Variants in CADM2 observed in about 807,000 individuals in gnomAD.
CADM2 encodes immunoglobulin superfamily member 4D.
In CADM2, 12 loss-of-function variants were observed where a neutral mutation model predicts 49.8. The ratio of observed to expected loss-of-function variants is 0.24; its 90% CI spans 0.15 to 0.39. The LOEUF (loss-of-function observed/expected upper bound fraction) is 0.39. Ranked by LOEUF, CADM2 falls within the 10% of genes least tolerant of loss-of-function variation. CADM2 has a pLI of 1.00. For missense variants in CADM2, 378 were observed against 492.3 expected (o/e 0.77, Z 2.20); for synonymous variants, 214 against 175.4 (o/e 1.22, Z -1.74).
chr3:85,381,423 TTA>T (rs201277075), intron 1 of CADM2, among the ~76,000 whole-genome samples: 34 of 145,890 alleles, frequency 2.3e-4, no homozygotes, highest in East Asian at 9.9e-4. Flanking sequence ...GTATGTTGCT[TTA>T]TATATATATA....
At chr3:85,195,444 C>G (rs1168423898) in intron 1 of CADM2, among the ~76,000 whole-genome samples, 1 of 151,680 alleles carries the variant, frequency 6.6e-6, no homozygotes, top group Non-Finnish European at 1.5e-5. Context: ...TCTGTGTCTC[C>G]CATGTAAGCT....
At chr3:85,531,183 T>C (rs1245560721) in intron 1 of CADM2, among the ~76,000 whole-genome samples, 2 of 152,132 alleles carry the variant, frequency 1.3e-5, no homozygotes, top group East Asian at 1.9e-4. Flanking sequence ...TCAGAATCAT[T>C]ATTATTTTGA....
chr3:85,345,402 T>A (rs1032587758), intron 1 of CADM2, among the ~76,000 whole-genome samples: 1 of 148,804 alleles, frequency 6.7e-6, no homozygotes, highest in Admixed American at 6.7e-5. Flanking sequence ...AAACAAAAAA[T>A]TGAATCACTT....
At chr3:85,211,979 C>G (rs1225616508) in intron 1 of CADM2, among the ~76,000 whole-genome samples, 4 of 152,006 alleles carry the variant, frequency 2.6e-5, no homozygotes, top group African/African-American at 9.7e-5. Flanking sequence ...GCATATATAT[C>G]TACAACTGTC....
chr3:85,116,325 AAAAC>A (rs1316269532), intron 1 of CADM2, among the ~76,000 whole-genome samples: 3 of 152,326 alleles, frequency 2.0e-5, no homozygotes, highest in East Asian at 1.9e-4. Context: ...TCTCCGTCTC[AAAAC>A]AAACAAACAA....
intron 8 of CADM2, among the ~76,000 whole-genome samples, chr3:86,054,864 T>C (rs1201074957): frequency 2.0e-5 from 3 of 152,168 alleles, no homozygotes; most frequent in African/African-American, 7.2e-5. Context: ...AAAATGGATA[T>C]ATGGCAATGT....
chr3:84,971,027 G>A (rs1423329922), intron 1 of CADM2, among the ~76,000 whole-genome samples: 1 of 151,748 alleles, frequency 6.6e-6, no homozygotes. Context: ...TAATTTTTTT[G>A]TGTGTAGCCA....
chr3:86,013,336 T>A (rs1731792339), intron 8 of CADM2: 2 of 1,543,206 alleles, frequency 1.3e-6, no homozygotes, highest in Non-Finnish European at 1.8e-6. Flanking sequence ...AAAGAATACC[T>A]AAAATCTCTA....
At chr3:85,225,950 C>T (rs988034342) in intron 1 of CADM2, among the ~76,000 whole-genome samples, 9 of 152,150 alleles carry the variant, frequency 5.9e-5, no homozygotes, top group Non-Finnish European at 1.2e-4. Flanking sequence ...AGGGATGAAG[C>T]CGACTTCATC....
intron 1 of CADM2, among the ~76,000 whole-genome samples, chr3:85,530,778 T>C (rs966438692): frequency 2.0e-5 from 3 of 151,970 alleles, no homozygotes; most frequent in Non-Finnish European, 4.4e-5. Context: ...TACATTCTTA[T>C]TGGTAGGTAA....
chr3:85,420,549 A>G (rs960239163), intron 1 of CADM2, among the ~76,000 whole-genome samples: 2 of 152,178 alleles, frequency 1.3e-5, no homozygotes, highest in African/African-American at 4.8e-5. Flanking sequence ...AACACATAAT[A>G]TGCTCCATGG....
intron 1 of CADM2, among the ~76,000 whole-genome samples, chr3:85,528,742 A>C (rs1415584830): frequency 3.3e-5 from 5 of 152,202 alleles, no homozygotes; most frequent in Non-Finnish European, 7.3e-5. Flanking sequence ...AAATGTTGAC[A>C]TTGGTGCCTC....
At chr3:85,771,331 A>G (rs981357961) in intron 2 of CADM2, among the ~76,000 whole-genome samples, 6 of 152,140 alleles carry the variant, frequency 3.9e-5, no homozygotes, top group African/African-American at 1.2e-4. Flanking sequence ...TAATGTTCCT[A>G]TGGTTGCATT....
At chr3:85,196,744 A>C (rs958708383) in intron 1 of CADM2, among the ~76,000 whole-genome samples, 1 of 152,024 alleles carries the variant, frequency 6.6e-6, no homozygotes, top group African/African-American at 2.4e-5. Flanking sequence ...AAACATCTCT[A>C]TATTTTTGTT....
intron 7 of CADM2, among the ~76,000 whole-genome samples, chr3:85,953,878 T>C (rs796786508): frequency 6.0e-5 from 9 of 150,922 alleles, no homozygotes; most frequent in Non-Finnish European, 1.2e-4. Flanking sequence ...AAGATATAAG[T>C]GTAGAATAGG....
At chr3:85,756,733 T>C (rs2069142159) in intron 2 of CADM2, among the ~76,000 whole-genome samples, 1 of 152,174 alleles carries the variant, frequency 6.6e-6, no homozygotes, top group Non-Finnish European at 1.5e-5. Flanking sequence ...TAAGATTATA[T>C]TACTAACTTT....
intron 1 of CADM2, among the ~76,000 whole-genome samples, chr3:85,663,094 A>G (rs1456847650): frequency 6.6e-6 from 1 of 152,052 alleles, no homozygotes; most frequent in Non-Finnish European, 1.5e-5. Context: ...CAAGCTATGT[A>G]TGAATTAGAA....
intron 8 of CADM2, among the ~76,000 whole-genome samples, chr3:86,048,170 C>T (rs1490217649): frequency 1.3e-5 from 2 of 151,300 alleles, no homozygotes; most frequent in African/African-American, 4.9e-5. Context: ...CATTCAAAAA[C>T]GTGCATTATG....
chr3:85,382,032 T>C (rs1221984610), intron 1 of CADM2, among the ~76,000 whole-genome samples: 1 of 151,858 alleles, frequency 6.6e-6, no homozygotes, highest in Admixed American at 6.6e-5. Context: ...TTAGGTGTGA[T>C]CAGTTATGAA....
Sources: allele counts gnomAD v4.1 joint callset (sites outside exome capture counted in the v4.1 genomes callset), GRCh38; gene constraint gnomAD v4.1.1; transcripts MANE v1.5; gene names NCBI Gene and HGNC (gene_info 2026-07-23, HGNC 2026-07-21).